Variants in EDC3 observed in about 807,000 individuals in gnomAD.
The protein encoded by EDC3 is enhancer of mRNA decapping 3, also known as enhancer of mRNA-decapping protein 3.
In EDC3, 20 loss-of-function variants were observed where a neutral mutation model predicts 41.8. The ratio of observed to expected loss-of-function variants is 0.48; its 90% CI spans 0.34 to 0.70. The LOEUF is 0.70. Among genes scored for constraint, EDC3 ranks in the 30% least tolerant of loss-of-function variants. The pLI is 0.01. For synonymous variants in EDC3, 206 were observed against 243.2 expected (o/e 0.85, Z 1.42); for missense variants, 444 against 636.8 (o/e 0.70, Z 3.26).
intron 5 of EDC3, chr15:74,637,336 A>T (rs1194574258): frequency 2.0e-5 from 3 of 152,232 alleles, no homozygotes; most frequent in Non-Finnish European, 4.4e-5. Flanking sequence ...TTTGGTAAGG[A>T]CATTCAGCTC....
intron 6 of EDC3, chr15:74,634,983 C>T (rs1679260080): frequency 4.6e-6 from 2 of 437,846 alleles, no homozygotes; most frequent in African/African-American, 2.0e-5. Flanking sequence ...ATGTCCAAGT[C>T]TCCTACTCTC....
intron 1 of EDC3, among the ~76,000 whole-genome samples, chr15:74,691,582 C>T (rs538359296): frequency 2.5e-4 from 38 of 152,268 alleles, no homozygotes; most frequent in African/African-American, 8.9e-4. Context: ...ATACACATGT[C>T]CGTAGGGGGT....
rs1019206027 is a variant in EDC3, at chr15:74,671,351, AT to A, written c.484+103del. The A allele has an allele frequency of 2.4e-5, 31 of 1,291,818 alleles. No homozygotes were observed. The African/African-American group carries it at 4.1e-4, about 17-fold the overall frequency. The allele number at this position is 1,291,818 out of a possible 1,614,324, so 80.0% of individuals were successfully genotyped here. A position where few individuals can be genotyped will look rare whatever the true frequency, so the allele number is the denominator to read the frequency against. ...TTTCTGTGACGCTCAGCCAGCATCCATTTTATTGGAATAACAAAGGATTTGT... is the reference window on the plus strand; with the variant it reads ...TTTCTGTGACGCTCAGCCAGCATCCATTTATTGGAATAACAAAGGATTTGT... On this transcript the variant is annotated intron_variant, in intron 3 of 6. Transcript: ENST00000315127. The surrounding 1 kb of genome is among the most constrained non-coding windows in gnomAD (Gnocchi z 4.6).
intron 3 of EDC3, among the ~76,000 whole-genome samples, chr15:74,656,728 T>C (rs2062553436): frequency 6.6e-6 from 1 of 152,180 alleles, no homozygotes; most frequent in Non-Finnish European, 1.5e-5. Flanking sequence ...CTTATATCCC[T>C]GTTTTCCCAC....
intron 3 of EDC3, among the ~76,000 whole-genome samples, chr15:74,656,388 A>G (rs1371893159): frequency 1.3e-5 from 2 of 148,240 alleles, no homozygotes; most frequent in African/African-American, 5.0e-5. Context: ...CTGGGCAAAG[A>G]GCAAGAATCT....
intron 1 of EDC3, among the ~76,000 whole-genome samples, chr15:74,677,531 T>C (rs2062820611): frequency 6.6e-6 from 1 of 151,944 alleles, no homozygotes; most frequent in Admixed American, 6.6e-5. Context: ...ACCCAGCTAA[T>C]TTTTGTTGTT....
Position 74,655,818 on chromosome 15 carries a change from G to GATGTA in EDC3, c.734_735insTACAT (p.His246ThrfsTer19). The GATGTA allele has an allele frequency of 6.2e-7, 1 of 1,614,124 alleles. No individual in the cohort carries two copies. The highest frequency in any genetic ancestry group is 8.5e-7 in the Non-Finnish European group (1 of 1,180,036). On this transcript the variant is annotated frameshift_variant, in exon 4 of 7. Coordinates refer to ENST00000315127, the MANE Select transcript of EDC3 (RefSeq NM_025083.5). LOFTEE classifies it high-confidence loss of function. ...CGGACTCCAAGATGTTCTCATCATG[G>GATGTA]CGGTACCGAGTGGGCCTTTCATTTG...
chr15:74,672,097 T>A (rs1337099350), intron 2 of EDC3, among the ~76,000 whole-genome samples: 1 of 131,036 alleles, frequency 7.6e-6, no homozygotes, highest in Non-Finnish European at 1.5e-5. Flanking sequence ...CCGTCTCTAC[T>A]AAAAATACAA....
intron 1 of EDC3, among the ~76,000 whole-genome samples, chr15:74,686,323 C>T (rs991063427): frequency 6.7e-6 from 1 of 148,644 alleles, no homozygotes; most frequent in African/African-American, 2.5e-5. Flanking sequence ...AAGACTCGGT[C>T]TCAAAAAAAA....
intron 4 of EDC3, chr15:74,645,228 TG>T (rs1567158236): frequency 1.3e-5 from 2 of 152,170 alleles, no homozygotes; most frequent in Non-Finnish European, 2.9e-5. Flanking sequence ...AGGATATTAC[TG>T]GGATAATTGG....
At chr15:74,651,278 G>C (rs1411067987) in intron 4 of EDC3, among the ~76,000 whole-genome samples, 1 of 152,216 alleles carries the variant, frequency 6.6e-6, no homozygotes, top group South Asian at 2.1e-4. Flanking sequence ...AGCAGGGCAG[G>C]CCCAAGCTAG....
chr15:74,669,063 C>T (rs575843630), intron 3 of EDC3, among the ~76,000 whole-genome samples: 2 of 152,092 alleles, frequency 1.3e-5, no homozygotes, highest in East Asian at 3.9e-4. Flanking sequence ...TGGCATTATC[C>T]CATCTCTACT....
At chr15:74,693,269 C>T (rs2063028652) in intron 1 of EDC3, among the ~76,000 whole-genome samples, 3 of 152,218 alleles carry the variant, frequency 2.0e-5, no homozygotes, top group Non-Finnish European at 4.4e-5. Context: ...GTGATTAAAA[C>T]ATCACATCTT....
chr15:74,691,310 AATTATTTTAAGATACTATATGG>A (rs549880643), intron 1 of EDC3, among the ~76,000 whole-genome samples: 50 of 152,212 alleles, frequency 3.3e-4, no homozygotes, highest in South Asian at 1.2e-3. Flanking sequence ...CCACTATATG[AATTATTTTAAGATACTATATGG>A]ATTATTTTAA....
chr15:74,668,376 T>C (rs959334726), intron 3 of EDC3, among the ~76,000 whole-genome samples: 1 of 151,992 alleles, frequency 6.6e-6, no homozygotes, highest in Non-Finnish European at 1.5e-5. Context: ...ACCATACAAA[T>C]GTAAGACGTT....
intron 1 of EDC3, among the ~76,000 whole-genome samples, chr15:74,694,588 G>C (rs2063044499): frequency 6.6e-6 from 1 of 152,276 alleles, no homozygotes; most frequent in South Asian, 2.1e-4. Context: ...TTACTGGCGT[G>C]AGCCACAGTG....
At chr15:74,640,441 T>A in intron 5 of EDC3, 25 bp downstream of exon 5, 1 of 1,611,860 alleles carries the variant, frequency 6.2e-7, no homozygotes, top group Non-Finnish European at 8.5e-7. Flanking sequence ...CCACATTGAG[T>A]CCCTGCCAGT....
At chr15:74,635,915 G>A (rs185928164) in intron 5 of EDC3, 2 of 452,014 alleles carry the variant, frequency 4.4e-6, no homozygotes, top group African/African-American at 2.0e-5. Flanking sequence ...GCTGACCCAT[G>A]AACACTTAAT....
At chr15:74,662,618 C>T (rs892247673) in intron 3 of EDC3, among the ~76,000 whole-genome samples, 2 of 151,938 alleles carry the variant, frequency 1.3e-5, no homozygotes, top group Non-Finnish European at 2.9e-5. Context: ...AAAAGAGTTA[C>T]GAAGCAAGGG....
Sources: allele counts gnomAD v4.1 joint callset (sites outside exome capture counted in the v4.1 genomes callset), GRCh38; gene constraint gnomAD v4.1.1; non-coding constraint Gnocchi (gnomAD v3.1); transcripts MANE v1.5; gene names NCBI Gene and HGNC (gene_info 2026-07-23, HGNC 2026-07-21).